Variants in STK3 observed in about 807,000 individuals in gnomAD.
STK3 encodes serine/threonine-protein kinase 3.
In STK3, 41 loss-of-function variants were observed where a neutral mutation model predicts 58.0. The ratio of observed to expected loss-of-function variants is 0.71; its 90% CI spans 0.55 to 0.92. The LOEUF is 0.92. STK3 is among the 40% of genes least tolerant of loss of function. The pLI is 0.00. For synonymous variants in STK3, 170 were observed against 191.0 expected, an observed-to-expected ratio of 0.89 and a Z score of 0.91; for missense variants, 479 against 602.7, an observed-to-expected ratio of 0.79 and a Z score of 2.15.
chr8:98,641,766 G>A lies in STK3; in HGVS notation c.685-45597C>T, dbSNP rs147341270. Among the ~76,000 whole-genome samples, 133 of 152,294 alleles carry A rather than the reference G, an allele frequency of 8.7e-4. 2 individuals carry two copies. The East Asian group carries it at 0.025, about 28-fold the overall frequency. On this transcript the variant is annotated intron_variant, in intron 6 of 10. Coordinates refer to ENST00000419617, the MANE Select transcript of STK3 (RefSeq NM_006281.4). ...ATATAAAGTGCCATGAAGAGTAGAG[G>A]GGAAGAAGCCTCTGTGCAGATGTTA...
chr8:98,929,893 T>A (rs1839944934), intron 1 of STK3, among the ~76,000 whole-genome samples: 1 of 152,278 alleles, frequency 6.6e-6, no homozygotes, highest in African/African-American at 2.4e-5. Context: ...AGTTTAGAAA[T>A]CAAATAGGGG....
At chr8:98,788,573 G>C (rs1832619043) in intron 1 of STK3, among the ~76,000 whole-genome samples, 1 of 152,034 alleles carries the variant, frequency 6.6e-6, no homozygotes, top group Admixed American at 6.5e-5. Context: ...TAAGCTAAAG[G>C]GGTGGAAAAA....
At chr8:98,379,629 A>G (rs1485946466) in intron 1 of STK3, among the ~76,000 whole-genome samples, 1 of 152,204 alleles carries the variant, frequency 6.6e-6, no homozygotes, top group Non-Finnish European at 1.5e-5. Flanking sequence ...TCACAGGTGC[A>G]GGGTCACCCA....
chr8:98,905,217 C>T, intron 1 of STK3: 1 of 927,246 alleles, frequency 1.1e-6, no homozygotes, highest in Non-Finnish European at 1.8e-6. Context: ...AGTCCGAAGT[C>T]GGGCTTGTGG....
chr8:98,590,651 T>C (rs1217256039), intron 7 of STK3, among the ~76,000 whole-genome samples: 15 of 152,246 alleles, frequency 9.9e-5, no homozygotes. Flanking sequence ...AAGAGACCAC[T>C]AAACAGCTGT....
chr8:98,550,153 A>G (rs1317983222), intron 8 of STK3, among the ~76,000 whole-genome samples: 2 of 151,744 alleles, frequency 1.3e-5, no homozygotes, highest in South Asian at 2.1e-4. Flanking sequence ...GAGAACATCA[A>G]TGTTGAGTTT....
intron 3 of STK3, among the ~76,000 whole-genome samples, chr8:98,393,265 C>T (rs1817865066): frequency 6.6e-6 from 1 of 152,118 alleles, no homozygotes; most frequent in Admixed American, 6.5e-5. Context: ...AGACCAGTAC[C>T]AGAGTCAGGG....
At chr8:98,716,426 A>G (rs1274932355) in intron 4 of STK3, among the ~76,000 whole-genome samples, 1 of 152,114 alleles carries the variant, frequency 6.6e-6, no homozygotes, top group Non-Finnish European at 1.5e-5. Context: ...TAGAAATAGA[A>G]TTTCTTTATT....
At position 98,891,869 on chromosome 8, in the gene STK3, C is replaced by A. The variant is rs115099413; in HGVS notation, c.-78-8035G>T. Among the ~76,000 whole-genome samples, 560 of 152,190 alleles carry A rather than the reference C, an allele frequency of 3.7e-3. 2 individuals carry two copies. The highest frequency in any genetic ancestry group is 0.012 in the African/African-American group (493 of 41,522). ...TCTATTTAGGTGAAAACTGCCAATA[C>A]CCTGAATAATTCTAGGAAATACTCT... On this transcript the variant is annotated intron_variant, in intron 1 of 1. Transcript: ENST00000519420.
At chr8:98,404,806 G>A (rs981736017) in intron 3 of STK3, among the ~76,000 whole-genome samples, 3 of 152,022 alleles carry the variant, frequency 2.0e-5, no homozygotes, top group Admixed American at 6.6e-5. Context: ...AGCCATGATC[G>A]CACCACTGTA....
At chr8:98,912,076 G>A (rs1201526884) in intron 1 of STK3, among the ~76,000 whole-genome samples, 1 of 152,146 alleles carries the variant, frequency 6.6e-6, no homozygotes, top group East Asian at 1.9e-4. Flanking sequence ...TCAGACAGTT[G>A]AAGATCAGAA....
At chr8:98,496,315 T>G (rs1342620731) in intron 10 of STK3, among the ~76,000 whole-genome samples, 1 of 152,180 alleles carries the variant, frequency 6.6e-6, no homozygotes, top group Non-Finnish European at 1.5e-5. Flanking sequence ...TCCAAAAGGT[T>G]GCAGGATACA....
At chr8:98,854,673 C>T (rs1172957942) in intron 3 of STK3, among the ~76,000 whole-genome samples, 2 of 151,894 alleles carry the variant, frequency 1.3e-5, no homozygotes, top group African/African-American at 4.8e-5. Flanking sequence ...AAACTAAAAA[C>T]GTTCTGTAAA....
At chr8:98,563,003 A>T (rs1419268062) in intron 8 of STK3, among the ~76,000 whole-genome samples, 1 of 146,868 alleles carries the variant, frequency 6.8e-6, no homozygotes, top group Admixed American at 7.3e-5. Context: ...CCAGGGTGAA[A>T]TGTAGAATGT....
intron 3 of STK3, among the ~76,000 whole-genome samples, chr8:98,403,570 C>T (rs534075270): frequency 2.6e-5 from 4 of 152,276 alleles, no homozygotes; most frequent in Non-Finnish European, 5.9e-5. Context: ...GGCAAAGGAG[C>T]TGGCATATTG....
chr8:98,418,303 G>A (rs535592497), intron 3 of STK3, among the ~76,000 whole-genome samples: 15 of 152,360 alleles, frequency 9.8e-5, no homozygotes, highest in South Asian at 4.1e-4. Context: ...TACAAGCAGC[G>A]TGGTATCTCA....
intron 1 of STK3, among the ~76,000 whole-genome samples, chr8:98,446,876 G>C (rs905779151): frequency 2.0e-5 from 3 of 152,052 alleles, no homozygotes; most frequent in African/African-American, 7.2e-5. Context: ...AGAAAATACA[G>C]TATATATACA....
intron 1 of STK3, among the ~76,000 whole-genome samples, chr8:98,922,764 A>T (rs1564106762): frequency 6.6e-6 from 1 of 152,232 alleles, no homozygotes; most frequent in Non-Finnish European, 1.5e-5. Flanking sequence ...GTTACAAACT[A>T]TTGTAATTCT....
chr8:98,512,492 T>C (rs781219429), intron 10 of STK3, among the ~76,000 whole-genome samples: 12 of 152,184 alleles, frequency 7.9e-5, no homozygotes, highest in Non-Finnish European at 1.8e-4. Context: ...AATTAATACA[T>C]AAACAATATG....
Sources: allele counts gnomAD v4.1 joint callset (sites outside exome capture counted in the v4.1 genomes callset), GRCh38; gene constraint gnomAD v4.1.1; transcripts MANE v1.5; gene names NCBI Gene and HGNC (gene_info 2026-07-23, HGNC 2026-07-21).